Variants in PCLO observed in about 807,000 individuals in gnomAD.
PCLO encodes protein piccolo.
PCLO carries 82 observed loss-of-function variants against 427.5 expected under a neutral mutation model. The ratio of observed to expected loss-of-function variants is 0.19; its 90% confidence interval spans 0.16 to 0.23. The LOEUF (loss-of-function observed/expected upper bound fraction) is 0.23, where lower values mean the gene tolerates loss of function less well. Among genes scored for constraint, PCLO ranks in the 10% least tolerant of loss-of-function variants. The probability of loss-of-function intolerance (pLI) is 1.00; values close to 1 mark genes in which losing one functional copy is unlikely to be tolerated. For missense variants in PCLO, 6,239 were observed against 6,115.9 expected (o/e 1.02, Z -0.67); for synonymous variants, 2,357 against 2,155.4 (o/e 1.09, Z -2.59).
chr7:82,951,949 C>G lies in PCLO; in HGVS notation c.9004G>C (p.Ala3002Pro), dbSNP rs754165066. ...TTACTTTTATAGAAAAAATGTCCAG[C>G]TTCTGCTAAATTTGTGTCAGACATG... ...PSMSDTNLAE[A>P]GHFFYKSKNA... The change falls in exon 5 of 25, where the codon GCT (alanine) becomes CCT (proline). Residue 3002 changes from alanine (A) to proline (P), a missense_variant. Transcript: ENST00000333891. 3 of 1,613,890 alleles carry G rather than the reference C, an allele frequency of 1.9e-6. No homozygotes were observed. Among genetic ancestry groups the G allele is most frequent in the Admixed American group, 1.7e-5 (1 of 60,014 alleles).
intron 9 of PCLO, among the ~76,000 whole-genome samples, chr7:82,884,078 T>C (rs1344335751): frequency 3.9e-5 from 6 of 152,178 alleles, no homozygotes; most frequent in African/African-American, 1.2e-4. Context: ...CTTTTTCTGG[T>C]TTTAAATATA....
intron 10 of PCLO, among the ~76,000 whole-genome samples, chr7:82,859,314 G>A (rs1463191830): frequency 2.0e-5 from 3 of 152,194 alleles, no homozygotes; most frequent in Non-Finnish European, 4.4e-5. Context: ...GTGCTGTGCT[G>A]ACTTTAGGTC....
rs1330874976 is a variant in PCLO at position 82,931,965 on chromosome 7, G to A, written c.11113-15092C>T. Reference sequence around the variant, plus strand: ...CATGTGAAGTATGTGGTAGAGGGCAGAATCAAAGAGTACTCCTTAAAATGA... The same window carrying A: ...CATGTGAAGTATGTGGTAGAGGGCAAAATCAAAGAGTACTCCTTAAAATGA... On this transcript the variant is annotated intron_variant, in intron 6 of 24. Coordinates refer to ENST00000333891, the MANE Select transcript of PCLO (RefSeq NM_033026.6). Among the ~76,000 whole-genome samples, 4 of 152,094 alleles carry A rather than the reference G, an allele frequency of 2.6e-5. No individual in the cohort carries two copies. In the East Asian group the frequency reaches 7.7e-4, roughly 29 times the overall value.
chr7:82,939,041 G>A (rs971809993), intron 6 of PCLO, among the ~76,000 whole-genome samples: 6 of 151,928 alleles, frequency 3.9e-5, no homozygotes, highest in Non-Finnish European at 7.4e-5. Context: ...TCTGGATGCC[G>A]AATGTTGCAA....
At chr7:82,910,607 A>G (rs1794299075) in intron 7 of PCLO, among the ~76,000 whole-genome samples, 2 of 152,122 alleles carry the variant, frequency 1.3e-5, no homozygotes, top group Admixed American at 6.6e-5. Flanking sequence ...AAGGCATAGC[A>G]TCCAATAAAT....
chr7:82,831,689 T>C (rs925619627), intron 16 of PCLO, among the ~76,000 whole-genome samples: 1 of 152,118 alleles, frequency 6.6e-6, no homozygotes, highest in Non-Finnish European at 1.5e-5. Context: ...TAGTAATGAG[T>C]TTGATTCTCC....
chr7:82,940,287 C>A (rs1254045802), intron 6 of PCLO, among the ~76,000 whole-genome samples: 5 of 152,056 alleles, frequency 3.3e-5, no homozygotes, highest in Non-Finnish European at 5.9e-5. Flanking sequence ...AGAATGATTT[C>A]TATCATTTTA....
intron 6 of PCLO, among the ~76,000 whole-genome samples, chr7:82,920,665 A>G (rs1399746745): frequency 1.3e-5 from 2 of 151,800 alleles, no homozygotes; most frequent in Admixed American, 1.3e-4. Flanking sequence ...GTTAATTTAT[A>G]TAATGCAATT....
At chr7:82,983,641 T>C (rs951907743) in intron 3 of PCLO, among the ~76,000 whole-genome samples, 9 of 149,972 alleles carry the variant, frequency 6.0e-5, no homozygotes, top group Non-Finnish European at 1.0e-4. Flanking sequence ...GTATATATTA[T>C]ATAGTTATTT....
intron 22 of PCLO, among the ~76,000 whole-genome samples, chr7:82,766,449 T>A (rs1790533833): frequency 6.6e-6 from 1 of 152,046 alleles, no homozygotes; most frequent in African/African-American, 2.4e-5. Context: ...CACCTCTCAC[T>A]CTTTCCTTTA....
chr7:83,147,695 T>G (rs929275297), intron 2 of PCLO, among the ~76,000 whole-genome samples: 4 of 152,198 alleles, frequency 2.6e-5, no homozygotes, highest in African/African-American at 9.6e-5. Context: ...ATAATATACT[T>G]GTTTAAGCAT....
At chr7:83,099,780 A>C (rs80258170) in intron 3 of PCLO, among the ~76,000 whole-genome samples, 3,169 of 152,250 alleles carry the variant, frequency 0.021, 120 homozygotes, top group African/African-American at 0.073. Context: ...GATATAATCC[A>C]TATCTACATC....
intron 15 of PCLO, among the ~76,000 whole-genome samples, chr7:82,837,237 A>G (rs1231035821): frequency 2.6e-5 from 4 of 152,084 alleles, no homozygotes; most frequent in Non-Finnish European, 5.9e-5. Flanking sequence ...GAAAAGAAAC[A>G]TGATTGGTCA....
At chr7:83,038,025 A>ATATATATATATATATATT (rs1562932933) in intron 3 of PCLO, among the ~76,000 whole-genome samples, 3 of 49,098 alleles carry the variant, frequency 6.1e-5, no homozygotes, top group South Asian at 9.8e-4. Context: ...ATATATATAT[A>ATATATATATATATATATT]TATATTTATA....
In PCLO at chr7:82,966,495, A is replaced by G. The variant is rs773544797; in HGVS notation, c.3301-8T>C. 9 of 1,506,152 alleles carry G rather than the reference A, an allele frequency of 6.0e-6. No individual in the cohort carries two copies. The highest frequency in any genetic ancestry group is 2.5e-5 in the South Asian group (2 of 80,404). The allele number at this position is 1,506,152 out of a possible 1,614,324, so 93.3% of individuals were successfully genotyped here. Reference sequence around the variant, plus strand: ...ACAAAGCCATTCTTGAATCTGTGGGAAAAAAATTACAATGAACAGATTGAA... The same window carrying G: ...ACAAAGCCATTCTTGAATCTGTGGGGAAAAAATTACAATGAACAGATTGAA... On this transcript the variant is annotated splice_polypyrimidine_tract_variant and splice_region_variant and intron_variant, in intron 3 of 24. Coordinates refer to ENST00000333891, the MANE Select transcript of PCLO (RefSeq NM_033026.6).
chr7:82,928,246 G>A (rs907350062), intron 6 of PCLO, among the ~76,000 whole-genome samples: 32 of 152,140 alleles, frequency 2.1e-4, no homozygotes, highest in African/African-American at 7.2e-4. Flanking sequence ...ATATGTACTT[G>A]AAGCAAATGT....
intron 3 of PCLO, among the ~76,000 whole-genome samples, chr7:83,085,646 T>C (rs1790212807): frequency 1.3e-5 from 2 of 152,196 alleles, no homozygotes; most frequent in Admixed American, 1.3e-4. Flanking sequence ...TATCATGCCG[T>C]TGGGTCTAAT....
At chr7:83,119,235 T>G (rs1791213823) in intron 3 of PCLO, among the ~76,000 whole-genome samples, 1 of 152,128 alleles carries the variant, frequency 6.6e-6, no homozygotes, top group South Asian at 2.1e-4. Flanking sequence ...TGGTTTCAGA[T>G]GTGACCCAGT....
In PCLO at chr7:82,955,170, T is replaced by C. The variant is rs778280180; in HGVS notation, c.5783A>G (p.Tyr1928Cys). The change falls in exon 5 of 25, where the codon TAC becomes TGC. Residue 1928 changes from tyrosine (Y) to cysteine (C), a missense_variant. By Grantham distance (194) the Tyr-to-Cys change is radical. Transcript: ENST00000333891. Reference protein sequence around the residue: ...YEEMMHKTHKYKAFPAANERD... With the variant: ...YEEMMHKTHKCKAFPAANERD... ...TTCATTTGCAGCTGGAAAAGCTTTG[T>C]ATTTGTGTGTTTTATGCATCATTTC... The C allele has an allele frequency of 9.9e-6, 16 of 1,613,832 alleles. 1 individual carries two copies. In the Admixed American group the frequency reaches 2.3e-4, roughly 24 times the overall value.
Sources: gnomAD v4.1 joint callset for allele counts (sites outside exome capture counted in the v4.1 genomes callset) on GRCh38, gnomAD v4.1.1 for gene constraint, MANE v1.5 for transcripts, NCBI Gene and HGNC (gene_info 2026-07-23, HGNC 2026-07-21) for gene names.